CADPS2: variants seen among roughly 807,000 people sequenced by gnomAD.
CADPS2 encodes calcium-dependent secretion activator 2.
CADPS2 carries 93 observed loss-of-function variants against 172.5 expected under a neutral mutation model. The ratio of observed to expected loss-of-function variants is 0.54; its 90% confidence interval spans 0.46 to 0.64. The LOEUF (loss-of-function observed/expected upper bound fraction) is 0.64. Ranked by LOEUF, CADPS2 falls within the 30% of genes least tolerant of loss-of-function variation. The pLI is 0.00. For synonymous variants in CADPS2, 546 were observed against 555.2 expected (o/e 0.98, Z 0.23); for missense variants, 1,420 against 1,565.9 (o/e 0.91, Z 1.57).
intron 7 of CADPS2, among the ~76,000 whole-genome samples, chr7:122,575,840 G>A (rs189800897): frequency 1.6e-3 from 248 of 152,186 alleles, no homozygotes; most frequent in Non-Finnish European, 3.0e-3. Flanking sequence ...GACGTTTTAC[G>A]TTTTAGAATA....
intron 1 of CADPS2, among the ~76,000 whole-genome samples, chr7:122,867,347 T>C (rs1245063385): frequency 3.9e-5 from 6 of 152,100 alleles, no homozygotes; most frequent in Admixed American, 1.3e-4. Flanking sequence ...AGAGAAATAA[T>C]CCAGTTGAAA....
At chr7:122,636,250 T>A (rs552109075) in intron 3 of CADPS2, among the ~76,000 whole-genome samples, 2 of 152,172 alleles carry the variant, frequency 1.3e-5, no homozygotes, top group Non-Finnish European at 2.9e-5. Flanking sequence ...TTCATCTCCA[T>A]GTTTAGCACT....
chr7:122,591,867 C>T (rs1191286448), intron 6 of CADPS2, among the ~76,000 whole-genome samples: 1 of 152,078 alleles, frequency 6.6e-6, no homozygotes, highest in African/African-American at 2.4e-5. Context: ...AATGTCAGAC[C>T]TAAAACCATA....
At chr7:122,637,718 G>A (rs186668138) in intron 3 of CADPS2, among the ~76,000 whole-genome samples, 4 of 152,164 alleles carry the variant, frequency 2.6e-5, no homozygotes, top group African/African-American at 7.2e-5. Context: ...TGTTTGTTTC[G>A]GCATAAAGAG....
chr7:122,364,275 C>A (rs2040559051), intron 25 of CADPS2, among the ~76,000 whole-genome samples: 1 of 151,710 alleles, frequency 6.6e-6, no homozygotes. Context: ...ATTGGCTGGG[C>A]ATGGTGGCGT....
At chr7:122,700,128 C>T (rs747953424) in intron 2 of CADPS2, among the ~76,000 whole-genome samples, 8 of 152,174 alleles carry the variant, frequency 5.3e-5, no homozygotes, top group Non-Finnish European at 8.8e-5. Context: ...GCTACTGGTA[C>T]ACTTTCTTGG....
chr7:122,465,885 C>G (rs759816812), intron 14 of CADPS2, among the ~76,000 whole-genome samples: 1 of 152,072 alleles, frequency 6.6e-6, no homozygotes, highest in African/African-American at 2.4e-5. Flanking sequence ...CAATTTTGTA[C>G]GTCAACATAG....
intron 2 of CADPS2, among the ~76,000 whole-genome samples, chr7:122,732,856 TTA>T (rs1050155646): frequency 1.4e-5 from 2 of 144,744 alleles, no homozygotes; most frequent in African/African-American, 5.0e-5. Flanking sequence ...GCTATGTATA[TTA>T]TATGATATAC....
rs75053906 is a variant in CADPS2, at chr7:122,562,883, A to C, written c.1336-8194T>G. ...TGACTTTTCTTACAATAAACTGAAA[A>C]ATTTTTTTAAAGGTTTAACAATGAA... On this transcript the variant is annotated intron_variant, in intron 7 of 29. Coordinates refer to ENST00000449022, the MANE Select transcript of CADPS2 (RefSeq NM_017954.11). Among the ~76,000 whole-genome samples the C allele has an allele frequency of 7.5e-3, 1,134 of 152,196 alleles. 19 individuals carry two copies. Among genetic ancestry groups the C allele is most frequent in the African/African-American group, 0.026 (1,074 of 41,538 alleles).
chr7:122,392,385 T>C (rs570267942), intron 22 of CADPS2, among the ~76,000 whole-genome samples: 1 of 150,330 alleles, frequency 6.7e-6, no homozygotes, highest in Non-Finnish European at 1.5e-5. Context: ...TATGCCTCAA[T>C]ACAGTTTTTT....
At chr7:122,408,498 T>C (rs71571077) in intron 19 of CADPS2, among the ~76,000 whole-genome samples, 15,329 of 152,130 alleles carry the variant, frequency 0.1, 1,215 homozygotes, top group African/African-American at 0.22. Context: ...GATCTCAGCT[T>C]ACTGCGACCT....
intron 7 of CADPS2, among the ~76,000 whole-genome samples, chr7:122,563,150 TTAGA>T (rs1419356981): frequency 2.0e-5 from 3 of 152,272 alleles, no homozygotes; most frequent in East Asian, 1.9e-4. Context: ...TTCATCCTTC[TTAGA>T]TAGAGCAATA....
intron 14 of CADPS2, among the ~76,000 whole-genome samples, chr7:122,469,940 CTAAGA>C (rs1320054784): frequency 6.6e-6 from 1 of 151,788 alleles, no homozygotes; most frequent in Admixed American, 6.6e-5. Flanking sequence ...TTGAAGTCTT[CTAAGA>C]TGAGTTTTGT....
At chr7:122,836,614 A>C (rs1808518088) in intron 1 of CADPS2, among the ~76,000 whole-genome samples, 4 of 151,970 alleles carry the variant, frequency 2.6e-5, no homozygotes, top group Admixed American at 6.6e-5. Context: ...CAAAAAAAGG[A>C]AGGGGTTGCA....
At chr7:122,835,447 G>T (rs187654532) in intron 1 of CADPS2, among the ~76,000 whole-genome samples, 2 of 152,218 alleles carry the variant, frequency 1.3e-5, no homozygotes, top group African/African-American at 2.4e-5. Context: ...TGACTTTGAC[G>T]AGTTGAGAGA....
intron 27 of CADPS2, among the ~76,000 whole-genome samples, chr7:122,353,293 G>A (rs928336567): frequency 1.1e-4 from 17 of 151,974 alleles, no homozygotes; most frequent in African/African-American, 4.1e-4. Flanking sequence ...CCACCTTTTG[G>A]GGATTTTGAA....
At chr7:122,328,501 C>A (rs1387733144) in intron 28 of CADPS2, 1 of 152,162 alleles carries the variant, frequency 6.6e-6, no homozygotes, top group Non-Finnish European at 1.5e-5. Flanking sequence ...CCGCAGCTTG[C>A]ACAGAAGGTA....
intron 8 of CADPS2, among the ~76,000 whole-genome samples, chr7:122,546,797 C>T (rs1319946651): frequency 6.6e-6 from 1 of 152,096 alleles, no homozygotes; most frequent in Non-Finnish European, 1.5e-5. Flanking sequence ...TCTCCGTATA[C>T]AGTCTAGGAC....
intron 2 of CADPS2, among the ~76,000 whole-genome samples, chr7:122,720,921 C>CA (rs34300133): frequency 0.025 from 3,750 of 151,830 alleles, 72 homozygotes; most frequent in Non-Finnish European, 0.036. Context: ...TATGGTTTAA[C>CA]AAAAAAGCTA....
Sources: allele counts gnomAD v4.1 joint callset (sites outside exome capture counted in the v4.1 genomes callset), GRCh38; gene constraint gnomAD v4.1.1; transcripts MANE v1.5; gene names NCBI Gene and HGNC (gene_info 2026-07-23, HGNC 2026-07-21).